The following DCLK2 variants were observed in gnomAD, a reference collection of about 807,000 sequenced individuals.
The protein encoded by DCLK2 is doublecortin like kinase 2, also known as serine/threonine-protein kinase DCLK2.
In DCLK2, 31 loss-of-function variants were observed where a neutral mutation model predicts 78.4. The observed-to-expected ratio is 0.40, with a 90% CI of 0.30 to 0.53. The LOEUF (loss-of-function observed/expected upper bound fraction) is 0.53, where lower values mean the gene tolerates loss of function less well. Ranked by LOEUF, DCLK2 falls within the 20% of genes least tolerant of loss-of-function variation. The probability of loss-of-function intolerance (pLI) is 0.61; values close to 1 mark genes in which losing one functional copy is unlikely to be tolerated. For synonymous variants in DCLK2, 407 were observed against 374.9 expected (o/e 1.09, Z -0.99); for missense variants, 872 against 973.7 (o/e 0.90, Z 1.39).
intron 15 of DCLK2, chr4:150,254,574 A>G: frequency 5.0e-6 from 2 of 398,114 alleles, no homozygotes; most frequent in Non-Finnish European, 8.9e-6. Context: ...AAAAACCTGT[A>G]TGCTGGCTCT....
chr4:150,080,539 A>G (rs908418258), intron 1 of DCLK2, among the ~76,000 whole-genome samples: 1 of 152,242 alleles, frequency 6.6e-6, no homozygotes, highest in Non-Finnish European at 1.5e-5. Flanking sequence ...CAAATGGCAC[A>G]TTCCATGTAG....
In DCLK2 at chr4:150,232,339, A is replaced by G. The variant is rs376121966; in HGVS notation, c.1302A>G (p.Glu434=). 2.3e-4 allele frequency: 370 copies of G among 1,613,776 alleles called. No homozygotes were observed. Among genetic ancestry groups the G allele is most frequent in the Non-Finnish European group, 2.5e-4 (297 of 1,179,938 alleles). ...TCTCTATACCGTTCATTTGACAGGA[A>G]CACCTGATTGAGAATGAAGTGTCAA... ...IIDKAKCCGK[E]HLIENEVSIL... is the part of the protein sequence containing the mutation. Residue 434 remains glutamate (E), a splice_region_variant and synonymous_variant, in exon 9 of 16, where the codon GAA becomes GAG. Transcript: ENST00000296550.
chr4:150,207,132 A>G (rs371033203), intron 5 of DCLK2, among the ~76,000 whole-genome samples: 17 of 152,284 alleles, frequency 1.1e-4, no homozygotes, highest in African/African-American at 3.8e-4. Flanking sequence ...TATTTATCCT[A>G]GTTAGATGCT....
intron 8 of DCLK2, among the ~76,000 whole-genome samples, chr4:150,226,225 CT>C (rs3033026): frequency 0.036 from 5,074 of 142,626 alleles, 285 homozygotes; most frequent in African/African-American, 0.12. Flanking sequence ...TTGTCATTTA[CT>C]TTTTTTTTTT....
At chr4:150,157,918 C>T (rs1208628057) in intron 2 of DCLK2, among the ~76,000 whole-genome samples, 2 of 152,136 alleles carry the variant, frequency 1.3e-5, no homozygotes, top group African/African-American at 2.4e-5. Context: ...CATGAGCTGC[C>T]GTGCCTGGCC....
rs569861516 is a variant in DCLK2, at chr4:150,107,803, T to A, written c.756+4991T>A. 8.5e-5 allele frequency among the ~76,000 whole-genome samples: 13 copies of A among 152,244 alleles called. No homozygotes were observed. The South Asian group carries it at 2.7e-3, about 32-fold the overall frequency. ...ACATCCCAAATGGTTTTACTGAGAA[T>A]TGAAAGTGAAGTGTAAGGTTAGCTG... On this transcript the variant is annotated intron_variant, in intron 2 of 15. Transcript: ENST00000296550.
intron 1 of DCLK2, among the ~76,000 whole-genome samples, chr4:150,095,075 C>A (rs1185642621): frequency 3.3e-5 from 5 of 152,116 alleles, no homozygotes; most frequent in African/African-American, 9.7e-5. Flanking sequence ...AAGCTCAGTA[C>A]AAAAAGAGTG....
chr4:150,147,892 A>G (rs1028070542), intron 2 of DCLK2, among the ~76,000 whole-genome samples: 5 of 152,068 alleles, frequency 3.3e-5, no homozygotes, highest in African/African-American at 1.2e-4. Flanking sequence ...TTGGCAAAGT[A>G]TTGAGAAAAT....
chr4:150,114,267 C>T (rs545408860), intron 2 of DCLK2, among the ~76,000 whole-genome samples: 1 of 152,160 alleles, frequency 6.6e-6, no homozygotes, highest in African/African-American at 2.4e-5. Context: ...TCCATATGTT[C>T]TAGAGTGTAG....
In DCLK2 at chr4:150,232,380, A is replaced by G. The variant is rs1742144864; in HGVS notation, c.1343A>G (p.Lys448Arg). The G allele has an allele frequency of 2.5e-6, 4 of 1,614,024 alleles. No individual in the cohort carries two copies. The highest frequency in any genetic ancestry group is 3.3e-5 in the Admixed American group (2 of 60,000). Reference sequence around the variant, plus strand: ...GAAGTGTCAATACTGCGCCGAGTGAAACATCCCAATATCATTATGCTGGTC... The same window carrying G: ...GAAGTGTCAATACTGCGCCGAGTGAGACATCCCAATATCATTATGCTGGTC... ...ENEVSILRRV[K>R]HPNIIMLVEE... Residue 448 changes from lysine (K) to arginine (R), a missense_variant, in exon 9 of 16, where the codon AAA becomes AGA. By Grantham distance (26) the Lys-to-Arg change is conservative. Coordinates refer to ENST00000296550, the MANE Select transcript of DCLK2 (RefSeq NM_001040260.4).
At chr4:150,187,012 G>A (rs1296810932) in intron 2 of DCLK2, among the ~76,000 whole-genome samples, 1 of 152,004 alleles carries the variant, frequency 6.6e-6, no homozygotes, top group African/African-American at 2.4e-5. Context: ...ATATGCAAAT[G>A]TAATTTTAGC....
In DCLK2 at chr4:150,249,752, G is replaced by C. The variant is rs929656952; in HGVS notation, c.2073+68G>C. 3.1e-6 allele frequency: 4 copies of C among 1,283,346 alleles called. No individual in the cohort carries two copies. In the Admixed American group the frequency reaches 6.7e-5, roughly 22 times the overall value. The allele number at this position is 1,283,346 out of a possible 1,614,324, so 79.5% of individuals were successfully genotyped here. ...CTTGAAGTTTTTGAATTAGGTAGCC[G>C]GGAGCTGCCCTCACATGGAAGTTGG... On this transcript the variant is annotated intron_variant, in intron 15 of 15. Transcript: ENST00000296550.
chr4:150,081,242 G>C (rs28513621), intron 1 of DCLK2, among the ~76,000 whole-genome samples: 22,006 of 152,180 alleles, frequency 0.14, 1,987 homozygotes, highest in Non-Finnish European at 0.21. Context: ...TTGACATAAC[G>C]TAAACATGAA....
chr4:150,130,559 G>T, intron 2 of DCLK2, among the ~76,000 whole-genome samples: 1 of 152,224 alleles, frequency 6.6e-6, no homozygotes, highest in Non-Finnish European at 1.5e-5. Context: ...GGACATAGTA[G>T]GAAATAAGCT....
At chr4:150,164,455 A>G (rs1735922616) in intron 2 of DCLK2, among the ~76,000 whole-genome samples, 1 of 152,228 alleles carries the variant, frequency 6.6e-6, no homozygotes, top group South Asian at 2.1e-4. Context: ...ATAGATTAAC[A>G]GCTGTTAATT....
intron 1 of DCLK2, among the ~76,000 whole-genome samples, chr4:150,081,230 A>C (rs1452146844): frequency 2.0e-5 from 3 of 152,216 alleles, no homozygotes; most frequent in Non-Finnish European, 4.4e-5. Context: ...TACTACATAA[A>C]ATTGACATAA....
At chr4:150,080,123 G>A (rs1729145751) in intron 1 of DCLK2, among the ~76,000 whole-genome samples, 1 of 114,126 alleles carries the variant, frequency 8.8e-6, no homozygotes, top group South Asian at 2.5e-4. Context: ...CCCCCCCCCA[G>A]GTGATTCTAA....
At chr4:150,147,383 T>C (rs748412436) in intron 2 of DCLK2, among the ~76,000 whole-genome samples, 3 of 152,136 alleles carry the variant, frequency 2.0e-5, no homozygotes, top group Non-Finnish European at 4.4e-5. Context: ...CAGACCCCTT[T>C]TGTATGGGGG....
rs867414365 is a variant in DCLK2 at position 150,108,835 on chromosome 4, C to T, written c.756+6023C>T. 5.9e-5 allele frequency among the ~76,000 whole-genome samples: 9 copies of T among 152,194 alleles called. No homozygotes were observed. The Middle Eastern group carries it at 0.01, about 173-fold the overall frequency. On this transcript the variant is annotated intron_variant, in intron 2 of 15. Coordinates refer to ENST00000296550, the MANE Select transcript of DCLK2 (RefSeq NM_001040260.4). ...AAACATATTTTGTGGAATTTTGGAA[C>T]AAGTTGATTCTTGTCATGGGCAGAG...
Sources: allele counts gnomAD v4.1 joint callset (sites outside exome capture counted in the v4.1 genomes callset), GRCh38; gene constraint gnomAD v4.1.1; transcripts MANE v1.5; gene names NCBI Gene and HGNC (gene_info 2026-07-23, HGNC 2026-07-21).